Variants in GPM6A observed in about 807,000 individuals in gnomAD.
GPM6A encodes the protein glycoprotein M6A.
Under a neutral mutation model 32.1 loss-of-function variants are expected in GPM6A, and 7 were observed. The observed-to-expected ratio is 0.22, with a 90% CI of 0.12 to 0.41. The LOEUF is 0.41. Among genes scored for constraint, GPM6A ranks in the 10% least tolerant of loss-of-function variants. The pLI, the probability that GPM6A is intolerant of heterozygous loss-of-function variation, is 1.00. For synonymous variants in GPM6A, 130 were observed against 123.4 expected (o/e 1.05, Z -0.35); for missense variants, 235 against 347.2 (o/e 0.68, Z 2.57).
intron 1 of GPM6A, among the ~76,000 whole-genome samples, chr4:175,901,628 C>CT (rs59461626): frequency 0.95 from 121,162 of 127,144 alleles, 57,704 homozygotes; most frequent in South Asian, 0.98. Context: ...TTTTCTTTTT[C>CT]TTTTTTTTTT....
intron 1 of GPM6A, among the ~76,000 whole-genome samples, chr4:175,867,696 T>C (rs1736783276): frequency 6.6e-6 from 1 of 152,188 alleles, no homozygotes; most frequent in Admixed American, 6.5e-5. Context: ...TGTTGCATTG[T>C]AGTAAGTGTT....
chr4:175,646,960 C>G (rs1041493864), intron 4 of GPM6A, among the ~76,000 whole-genome samples: 1 of 152,210 alleles, frequency 6.6e-6, no homozygotes, highest in Non-Finnish European at 1.5e-5. Flanking sequence ...CCTGAAAAAG[C>G]CTTCCTTCCT....
Position 175,898,024 on chromosome 4 carries a change from A to T in GPM6A, c.-22-85775T>A, listed in dbSNP as rs7657350. ...AATGAGAGACAGGCAAGATAACAAT[A>T]CCTTAAATCAGAATTATACCATGGT... is the stretch of plus-strand genomic sequence containing the variant. On this transcript the variant is annotated intron_variant, in intron 1 of 7. Coordinates refer to the GPM6A transcript ENST00000280187. Among the ~76,000 whole-genome samples, 720 of 152,300 alleles carry T rather than the reference A, an allele frequency of 4.7e-3. 5 individuals are homozygous for T. Among genetic ancestry groups the T allele is most frequent in the African/African-American group, 0.017 (696 of 41,568 alleles).
intron 1 of GPM6A, among the ~76,000 whole-genome samples, chr4:175,726,159 ATT>A (rs11298738): frequency 0.026 from 3,776 of 145,642 alleles, 75 homozygotes; most frequent in Non-Finnish European, 0.04. Context: ...CGACCAGCTA[ATT>A]TTTTTTTTTT....
chr4:175,934,487 G>A (rs986921642), intron 1 of GPM6A, among the ~76,000 whole-genome samples: 3 of 152,078 alleles, frequency 2.0e-5, no homozygotes, highest in African/African-American at 7.2e-5. Context: ...CAAATCTGAA[G>A]AGGTAGGAAA....
At chr4:175,646,336 A>G (rs1741462724) in intron 4 of GPM6A, among the ~76,000 whole-genome samples, 1 of 152,256 alleles carries the variant, frequency 6.6e-6, no homozygotes, top group Non-Finnish European at 1.5e-5. Context: ...AATTCCTATT[A>G]GGAGTATATG....
rs530520248 is a variant in GPM6A, at chr4:175,841,763, G to A, written c.-22-29514C>T. Among the ~76,000 whole-genome samples, 61 of 152,204 alleles carry A rather than the reference G, an allele frequency of 4.0e-4. 1 individual carries two copies. Among genetic ancestry groups the A allele is most frequent in the African/African-American group, 1.0e-3 (43 of 41,544 alleles). On this transcript the variant is annotated intron_variant, in intron 1 of 7. Coordinates refer to the GPM6A transcript ENST00000280187. ...TTATAACATAACATTTTTATAAATG[G>A]AGGGATTATAAGGCTGATTTTTAAA...
chr4:175,799,505 G>A (rs1456900406), intron 1 of GPM6A, among the ~76,000 whole-genome samples: 1 of 152,018 alleles, frequency 6.6e-6, no homozygotes, highest in East Asian at 1.9e-4. Context: ...TAAGAATAGA[G>A]ATTGATATTA....
Position 175,662,990 on chromosome 4 carries a change from T to G in GPM6A, c.387+10690A>C, listed in dbSNP as rs555622507. Among the ~76,000 whole-genome samples, 87 of 152,230 alleles carry G rather than the reference T, an allele frequency of 5.7e-4. 1 individual carries two copies. The highest frequency in any genetic ancestry group is 2.4e-3 in the Admixed American group (36 of 15,274). On this transcript the variant is annotated intron_variant, in intron 3 of 6. Coordinates refer to ENST00000393658, the MANE Select transcript of GPM6A (RefSeq NM_201591.3). ...AACATAAGTGACAGAGTAAAAAATATAAATTTTCCCTACCTCAAACATTTT... is the reference window on the plus strand; with the variant it reads ...AACATAAGTGACAGAGTAAAAAATAGAAATTTTCCCTACCTCAAACATTTT...
chr4:175,866,951 G>A (rs1736760209), intron 1 of GPM6A, among the ~76,000 whole-genome samples: 1 of 152,142 alleles, frequency 6.6e-6, no homozygotes. Context: ...TCCAGATTTT[G>A]GACATTCTAC....
chr4:175,947,038 C>A (rs1381143974), intron 1 of GPM6A, among the ~76,000 whole-genome samples: 1 of 152,044 alleles, frequency 6.6e-6, no homozygotes, highest in Non-Finnish European at 1.5e-5. Flanking sequence ...GTGTGTGTGG[C>A]TTTCTTATTG....
intron 1 of GPM6A, among the ~76,000 whole-genome samples, chr4:175,997,463 G>GT (rs11394327): frequency 0.16 from 24,234 of 149,588 alleles, 2,116 homozygotes; most frequent in South Asian, 0.24. Context: ...TTCTTTACAT[G>GT]TTTTTTTTTT....
chr4:175,971,006 T>C (rs1224461689), intron 1 of GPM6A: 1 of 410,632 alleles, frequency 2.4e-6, no homozygotes, highest in South Asian at 1.8e-5. Flanking sequence ...CAGTGAAAGT[T>C]GCAAATACAA....
intron 1 of GPM6A, among the ~76,000 whole-genome samples, chr4:175,920,537 A>G (rs1253798204): frequency 6.6e-6 from 1 of 152,158 alleles, no homozygotes; most frequent in Non-Finnish European, 1.5e-5. Flanking sequence ...CAGAAACAAT[A>G]CTTAAACTAC....
At chr4:175,701,789 G>A (rs1047905071) in intron 1 of GPM6A, 22 bp from the exon 2 acceptor site, 1 of 1,534,546 alleles carries the variant, frequency 6.5e-7, no homozygotes, top group Middle Eastern at 1.7e-4. Context: ...CACAAAGGGA[G>A]AAATTCATAT....
intron 1 of GPM6A, among the ~76,000 whole-genome samples, chr4:175,743,157 G>A (rs769703079): frequency 6.6e-6 from 1 of 151,618 alleles, no homozygotes; most frequent in Non-Finnish European, 1.5e-5. Flanking sequence ...CCTCAGAAGG[G>A]CTAAATCTGT....
chr4:175,804,973 A>G (rs1734629095), intron 1 of GPM6A, among the ~76,000 whole-genome samples: 1 of 152,138 alleles, frequency 6.6e-6, no homozygotes. Flanking sequence ...TGAACCTGGG[A>G]GGTCGAGCTT....
intron 1 of GPM6A, among the ~76,000 whole-genome samples, chr4:175,796,501 A>G (rs1390346): frequency 0.45 from 69,078 of 151,932 alleles, 16,512 homozygotes; most frequent in Non-Finnish European, 0.53. Flanking sequence ...TCACCTGCCT[A>G]AAAACACAAC....
chr4:175,866,824 T>C (rs1340568524), intron 1 of GPM6A, among the ~76,000 whole-genome samples: 2 of 152,212 alleles, frequency 1.3e-5, no homozygotes, highest in Non-Finnish European at 2.9e-5. Flanking sequence ...ATGTTTACTT[T>C]TGTAAGAAAC....
Sources: allele counts gnomAD v4.1 joint callset (sites outside exome capture counted in the v4.1 genomes callset), GRCh38; gene constraint gnomAD v4.1.1; transcripts MANE v1.5; gene names NCBI Gene and HGNC (gene_info 2026-07-23, HGNC 2026-07-21).